MYT1L: variants seen among roughly 807,000 people sequenced by gnomAD.
The protein encoded by MYT1L is myelin transcription factor 1 like.
Under a neutral mutation model 126.7 loss-of-function variants are expected in MYT1L, and 12 were observed. That is an observed-to-expected ratio of 0.09 (90% CI 0.06 to 0.15). The LOEUF (loss-of-function observed/expected upper bound fraction) is 0.15, where lower values mean the gene tolerates loss of function less well. Ranked by LOEUF, MYT1L falls within the 10% of genes least tolerant of loss-of-function variation. The pLI is 1.00. For synonymous variants in MYT1L, 541 were observed against 604.2 expected, an observed-to-expected ratio of 0.90 and a Z score of 1.53; for missense variants, 979 against 1,585.2, an observed-to-expected ratio of 0.62 and a Z score of 6.49.
intron 21 of MYT1L, among the ~76,000 whole-genome samples, chr2:1,830,514 G>A (rs2039999062): frequency 6.6e-6 from 1 of 152,128 alleles, no homozygotes; most frequent in African/African-American, 2.4e-5. Context: ...CTCACAGGGA[G>A]ATGGAGGAAA....
chr2:2,031,122 C>A (rs905756943), intron 4 of MYT1L, among the ~76,000 whole-genome samples: 2 of 152,228 alleles, frequency 1.3e-5, no homozygotes, highest in Admixed American at 6.5e-5. Context: ...AAATTTATTT[C>A]TCTGCACATT....
intron 9 of MYT1L, among the ~76,000 whole-genome samples, chr2:1,924,861 C>T (rs1344257213): frequency 6.6e-6 from 1 of 152,164 alleles, no homozygotes; most frequent in East Asian, 1.9e-4. Context: ...GTATTAATCT[C>T]CAACATACCC....
chr2:1,873,428 G>A (rs781606237), intron 18 of MYT1L, among the ~76,000 whole-genome samples: 12 of 152,162 alleles, frequency 7.9e-5, no homozygotes, highest in African/African-American at 2.9e-4. Context: ...AGATGCCAGC[G>A]CCTCCGAGGC....
rs998824442 is a variant in MYT1L, at chr2:1,952,687, CTCCT to C, written c.153-9357_153-9354del. On this transcript the variant is annotated intron_variant, in intron 8 of 24. Transcript: ENST00000647738. ...TCAGCACCAACAATGCTCCTTTGTC[CTCCT>C]TCCTTCCTTTCTTCCTTCCCTTCCC... Among the ~76,000 whole-genome samples the C allele has an allele frequency of 3.4e-5, 5 of 147,020 alleles. No homozygotes were observed. The East Asian group carries it at 8.3e-4, about 24-fold the overall frequency.
At chr2:2,280,112 T>C (rs1298239465) in intron 2 of MYT1L, among the ~76,000 whole-genome samples, 1 of 152,250 alleles carries the variant, frequency 6.6e-6, no homozygotes, top group Non-Finnish European at 1.5e-5. Context: ...AGAAAATTTG[T>C]ATGAGCAAGA....
intron 21 of MYT1L, among the ~76,000 whole-genome samples, chr2:1,826,290 G>A (rs1274938942): frequency 6.6e-6 from 1 of 152,236 alleles, no homozygotes; most frequent in Non-Finnish European, 1.5e-5. Context: ...GGCTTCCTGC[G>A]CTGGCGCAGA....
chr2:2,040,286 A>G (rs114900819), intron 4 of MYT1L, among the ~76,000 whole-genome samples: 4,983 of 152,272 alleles, frequency 0.033, 134 homozygotes, highest in Non-Finnish European at 0.05. Context: ...TGTGCCCAAT[A>G]CATTCTTGTA....
chr2:1,958,660 C>T (rs1388077963), intron 8 of MYT1L, among the ~76,000 whole-genome samples: 2 of 152,212 alleles, frequency 1.3e-5, no homozygotes, highest in African/African-American at 2.4e-5. Flanking sequence ...CTCGTGATCC[C>T]GGTTCCATGG....
At chr2:1,871,254 G>A (rs540095004) in intron 18 of MYT1L, among the ~76,000 whole-genome samples, 10 of 152,348 alleles carry the variant, frequency 6.6e-5, no homozygotes, top group South Asian at 4.1e-4. Flanking sequence ...GAAGTGCTAC[G>A]GAAATCTCTG....
chr2:1,904,841 T>G (rs2050825453), intron 13 of MYT1L, among the ~76,000 whole-genome samples: 2 of 151,678 alleles, frequency 1.3e-5, no homozygotes, highest in South Asian at 4.2e-4. Flanking sequence ...TCCCCCAGGC[T>G]GGAGTGCAGT....
chr2:2,032,841 A>ATT (rs1213047089), intron 4 of MYT1L, among the ~76,000 whole-genome samples: 1 of 132,578 alleles, frequency 7.5e-6, no homozygotes, highest in Non-Finnish European at 1.6e-5. Flanking sequence ...CCCAGAGCAG[A>ATT]TTCTAGAAGG....
chr2:1,904,392 G>A (rs1382192078), intron 13 of MYT1L, among the ~76,000 whole-genome samples: 1 of 152,060 alleles, frequency 6.6e-6, no homozygotes, highest in Non-Finnish European at 1.5e-5. Context: ...TGTTGTGATG[G>A]AGTCTCGGTC....
intron 9 of MYT1L, among the ~76,000 whole-genome samples, chr2:1,930,878 A>G (rs773855663): frequency 1.5e-4 from 23 of 152,194 alleles, no homozygotes; most frequent in Non-Finnish European, 3.2e-4. Context: ...CCAGGTCATA[A>G]GCATAATTCC....
intron 3 of MYT1L, among the ~76,000 whole-genome samples, chr2:2,148,602 G>A (rs1391186685): frequency 1.3e-5 from 2 of 152,166 alleles, no homozygotes; most frequent in Non-Finnish European, 1.5e-5. Flanking sequence ...AGGTGCCAAG[G>A]GCTTGAGGGG....
intron 3 of MYT1L, among the ~76,000 whole-genome samples, chr2:2,075,160 G>A (rs2075078055): frequency 6.6e-6 from 1 of 152,198 alleles, no homozygotes; most frequent in Non-Finnish European, 1.5e-5. Context: ...AGAAGCAGAG[G>A]GAATGGAGAT....
intron 9 of MYT1L, among the ~76,000 whole-genome samples, chr2:1,926,749 G>A (rs185038856): frequency 1.1e-4 from 17 of 152,292 alleles, no homozygotes; most frequent in Non-Finnish European, 1.9e-4. Context: ...ATGTTGGCCA[G>A]GCTGGTCTTG....
At chr2:2,257,743 G>A (rs1216432368) in intron 2 of MYT1L, among the ~76,000 whole-genome samples, 5 of 147,934 alleles carry the variant, frequency 3.4e-5, no homozygotes, top group Admixed American at 3.3e-4. Context: ...AAATAAAAGA[G>A]GACACAAACA....
intron 4 of MYT1L, among the ~76,000 whole-genome samples, chr2:2,016,114 A>G (rs778912309): frequency 2.0e-5 from 3 of 152,224 alleles, no homozygotes; most frequent in Non-Finnish European, 4.4e-5. Context: ...TCACTCATCA[A>G]TTAGGTGCTA....
intron 2 of MYT1L, among the ~76,000 whole-genome samples, chr2:2,189,338 G>T (rs2092426683): frequency 6.6e-6 from 1 of 152,116 alleles, no homozygotes; most frequent in Admixed American, 6.5e-5. Flanking sequence ...CCTTTCGGGG[G>T]TCTTCCCTCA....
Sources: allele counts gnomAD v4.1 joint callset (sites outside exome capture counted in the v4.1 genomes callset), GRCh38; gene constraint gnomAD v4.1.1; transcripts MANE v1.5; gene names NCBI Gene and HGNC (gene_info 2026-07-23, HGNC 2026-07-21).